KCNQ1: variants seen among roughly 807,000 people sequenced by gnomAD.
The protein encoded by KCNQ1 is potassium voltage-gated channel subfamily KQT member 1.
A neutral mutation model predicts 72.4 loss-of-function variants in KCNQ1; 49 were observed. That is an observed-to-expected ratio of 0.68 (90% confidence interval 0.54 to 0.86). The LOEUF is 0.86. KCNQ1 is among the 40% of genes least tolerant of loss of function. The probability of loss-of-function intolerance (pLI) is 0.00; values close to 1 mark genes in which losing one functional copy is unlikely to be tolerated. For missense variants in KCNQ1, 790 were observed against 945.1 expected (o/e 0.84, Z 2.15); for synonymous variants, 450 against 412.6 (o/e 1.09, Z -1.10).
At chr11:2,472,559 C>G (rs1349347677) in intron 1 of KCNQ1, among the ~76,000 whole-genome samples, 1 of 152,086 alleles carries the variant, frequency 6.6e-6, no homozygotes, top group Non-Finnish European at 1.5e-5. Flanking sequence ...ACTTTGTGGG[C>G]TGGAGTCCTG....
chr11:2,797,776 A>G (rs1847168286), intron 15 of KCNQ1, among the ~76,000 whole-genome samples: 1 of 151,840 alleles, frequency 6.6e-6, no homozygotes, highest in African/African-American at 2.4e-5. Flanking sequence ...CTCCCCTGGG[A>G]GCCTGCCTCA....
chr11:2,583,041 A>G (rs1848526600), intron 6 of KCNQ1, among the ~76,000 whole-genome samples: 1 of 152,126 alleles, frequency 6.6e-6, no homozygotes, highest in South Asian at 2.1e-4. Context: ...GACCAGCCTC[A>G]GTGGGAGCTC....
Position 2,547,810 on chromosome 11 carries a change from G to A in KCNQ1, c.477+19792G>A, listed in dbSNP as rs1330208424. ...GGCGGCAGTTCTCAGTGGAGCGGCC[G>A]GGCTGCGAGTCTCTGTATGGAGGTG... On this transcript the variant is annotated intron_variant, in intron 2 of 15. Transcript: ENST00000155840. This position sits in a 1 kb window ranked among gnomAD's most constrained non-coding sequence, Gnocchi z 4.2. 2.0e-5 allele frequency among the ~76,000 whole-genome samples: 3 copies of A among 152,208 alleles called. No homozygotes were observed. Among genetic ancestry groups the A allele is most frequent in the Admixed American group, 6.5e-5 (1 of 15,290 alleles).
rs1848813706 is a variant in KCNQ1, at chr11:2,601,885, C to T, written c.1393+13031C>T. Among the ~76,000 whole-genome samples the T allele has an allele frequency of 6.6e-6, 1 of 152,130 alleles. No individual in the cohort carries two copies. Among genetic ancestry groups the T allele is most frequent in the South Asian group, 2.1e-4 (1 of 4,830 alleles). ...AATCAGAGTAGGCTGAACAATGGCC[C>T]CCAAAGTAGCCAGGTCCTAACGCCT... On this transcript the variant is annotated intron_variant, in intron 10 of 15. Transcript: ENST00000155840. The surrounding 1 kb of genome is among the most constrained non-coding windows in gnomAD (Gnocchi z 5.2).
At chr11:2,476,431 G>T (rs1846569605) in intron 1 of KCNQ1, among the ~76,000 whole-genome samples, 1 of 152,140 alleles carries the variant, frequency 6.6e-6, no homozygotes, top group African/African-American at 2.4e-5. Context: ...CAAATTTATA[G>T]CTACAGGCAT....
chr11:2,516,979 C>T lies in KCNQ1; in HGVS notation c.387-10949C>T, dbSNP rs1267179493. Among the ~76,000 whole-genome samples, 2 of 152,126 alleles carry T rather than the reference C, an allele frequency of 1.3e-5. No homozygotes were observed. Among genetic ancestry groups the T allele is most frequent in the African/African-American group, 2.4e-5 (1 of 41,422 alleles). On this transcript the variant is annotated intron_variant, in intron 1 of 15. Coordinates refer to ENST00000155840, the MANE Select transcript of KCNQ1 (RefSeq NM_000218.3). This position sits in a 1 kb window ranked among gnomAD's most constrained non-coding sequence, Gnocchi z 7.0. ...CTCTAGGGCCTCTGAAGGGCTTTGA[C>T]GTGACACTCGGGATGGCATGGCAGG...
In KCNQ1 at chr11:2,772,498, G is replaced by A. The variant is rs920390765; in HGVS notation, c.1591-3462G>A. On this transcript the variant is annotated intron_variant, in intron 12 of 15. Transcript: ENST00000155840. The surrounding 1 kb of genome is among the most constrained non-coding windows in gnomAD (Gnocchi z 6.6). Reference sequence around the variant, plus strand: ...AGAGGACCACTGGACAAAGGCCCCCGTGAGCCCTAACCGTATCCTAGCAGG... The same window carrying A: ...AGAGGACCACTGGACAAAGGCCCCCATGAGCCCTAACCGTATCCTAGCAGG... 2.6e-5 allele frequency among the ~76,000 whole-genome samples: 4 copies of A among 151,980 alleles called. No homozygotes were observed. Among genetic ancestry groups the A allele is most frequent in the African/African-American group, 4.8e-5 (2 of 41,356 alleles).
At chr11:2,574,499 C>T (rs1377123288) in intron 6 of KCNQ1, among the ~76,000 whole-genome samples, 3 of 152,156 alleles carry the variant, frequency 2.0e-5, no homozygotes, top group South Asian at 2.1e-4. Flanking sequence ...GTGGGAAACA[C>T]GTGGTGGTGC....
At chr11:2,461,507 C>T (rs758488275) in intron 1 of KCNQ1, 25 of 1,320,032 alleles carry the variant, frequency 1.9e-5, no homozygotes, top group South Asian at 1.3e-4. Flanking sequence ...TGTCTTTGCG[C>T]CTGCACATGT....
chr11:2,462,982 G>A lies in KCNQ1; in HGVS notation c.386+17498G>A, dbSNP rs752553390. Among the ~76,000 whole-genome samples the A allele has an allele frequency of 3.3e-5, 5 of 152,172 alleles. No individual in the cohort carries two copies. Among genetic ancestry groups the A allele is most frequent in the Non-Finnish European group, 5.9e-5 (4 of 68,026 alleles). On this transcript the variant is annotated intron_variant, in intron 1 of 15. Transcript: ENST00000155840. The surrounding 1 kb of genome is among the most constrained non-coding windows in gnomAD (Gnocchi z 8.2). Reference sequence around the variant, plus strand: ...GGGCCCTTGGGTGGAAGAGTCTTGGGTGAGGCCCCTGAACTGGTAAGCGGG... The same window carrying A: ...GGGCCCTTGGGTGGAAGAGTCTTGGATGAGGCCCCTGAACTGGTAAGCGGG...
Position 2,691,366 on chromosome 11 carries a change from G to A in KCNQ1, c.1514+29285G>A. On this transcript the variant is annotated intron_variant, in intron 11 of 15. Coordinates refer to ENST00000155840, the MANE Select transcript of KCNQ1 (RefSeq NM_000218.3). This position sits in a 1 kb window ranked among gnomAD's most constrained non-coding sequence, Gnocchi z 6.4. ...GTGACCACCCATCCTGACATCTTGG[G>A]CTCAGGCCTCTGGGTCTGGGCATAG... 2.5e-6 allele frequency: 1 copy of A among 398,622 alleles called. No homozygotes were observed. The highest frequency in any genetic ancestry group is 3.6e-5 in the East Asian group (1 of 28,066). 24.7% of individuals were successfully genotyped at this position (398,622 alleles called of 1,614,324 possible).
chr11:2,699,678 C>CGAAGAACCCCCGGGGAGAACCGCGCA (rs1564862622), intron 11 of KCNQ1: 1 of 353,092 alleles, frequency 2.8e-6, no homozygotes, highest in African/African-American at 2.2e-5. Flanking sequence ...AGAACCGCGC[C>CGAAGAACCCCCGGGGAGAACCGCGCA]GAAAAGCCCC....
Position 2,508,575 on chromosome 11 carries a change from C to T in KCNQ1, c.387-19353C>T, listed in dbSNP as rs910260650. ...GGGGCAGGGTCCCAGCCTCCATGTA[C>T]GGGGCTGGGACCCACCAGGACCCAG... On this transcript the variant is annotated intron_variant, in intron 1 of 15. Coordinates refer to ENST00000155840, the MANE Select transcript of KCNQ1 (RefSeq NM_000218.3). The surrounding 1 kb of genome is among the most constrained non-coding windows in gnomAD (Gnocchi z 6.2). Among the ~76,000 whole-genome samples, 16 of 151,700 alleles carry T rather than the reference C, an allele frequency of 1.1e-4. No individual in the cohort carries two copies. Among genetic ancestry groups the T allele is most frequent in the African/African-American group, 2.9e-4 (12 of 41,278 alleles).
intron 6 of KCNQ1, among the ~76,000 whole-genome samples, chr11:2,575,917 C>T (rs1848416652): frequency 6.6e-6 from 1 of 152,236 alleles, no homozygotes; most frequent in South Asian, 2.1e-4. Flanking sequence ...TGCACAGGGC[C>T]TGCCCCTCCG....
Position 2,627,529 on chromosome 11 carries a change from T to C in KCNQ1, c.1394-34432T>C, listed in dbSNP as rs567899621. 6.5e-5 allele frequency: 26 copies of C among 398,552 alleles called. No individual in the cohort carries two copies. In the South Asian group the frequency reaches 1.8e-3, roughly 27 times the overall value. The allele number at this position is 398,552 out of a possible 1,614,324, so 24.7% of individuals were successfully genotyped here. A position where few individuals can be genotyped will look rare whatever the true frequency, so the allele number is the denominator to read the frequency against. On this transcript the variant is annotated intron_variant, in intron 10 of 15. Transcript: ENST00000155840. This position sits in a 1 kb window ranked among gnomAD's most constrained non-coding sequence, Gnocchi z 4.9. Reference sequence around the variant, plus strand: ...TGAGTTCAAGCTTTTTAGAATTCCATATGTAACTGGGATAGTGCAGTATTT... The same window carrying C: ...TGAGTTCAAGCTTTTTAGAATTCCACATGTAACTGGGATAGTGCAGTATTT...
At chr11:2,534,111 CAG>C (rs1847688424) in intron 2 of KCNQ1, among the ~76,000 whole-genome samples, 1 of 152,106 alleles carries the variant, frequency 6.6e-6, no homozygotes, top group East Asian at 1.9e-4. Flanking sequence ...CCTCCCAGCT[CAG>C]AGCAAGGCCT....
At position 2,782,440 on chromosome 11, in the gene KCNQ1, G is replaced by A. The variant is rs553891149; in HGVS notation, c.1794+4403G>A. Among the ~76,000 whole-genome samples, 1 of 152,298 alleles carries A rather than the reference G, an allele frequency of 6.6e-6. No homozygotes were observed. The highest frequency in any genetic ancestry group is 6.5e-5 in the Admixed American group (1 of 15,298). ...TGTATGGTCTTCATCAGGCTTTGGT[G>A]TCAAATGTATGTGAGCCTCACAGAC... On this transcript the variant is annotated intron_variant, in intron 15 of 15. Transcript: ENST00000155840. The surrounding 1 kb of genome is among the most constrained non-coding windows in gnomAD (Gnocchi z 6.1).
intron 7 of KCNQ1, among the ~76,000 whole-genome samples, chr11:2,583,909 G>C (rs1246236698): frequency 6.6e-6 from 1 of 152,188 alleles, no homozygotes; most frequent in East Asian, 1.9e-4. Context: ...CTGTGGCTGG[G>C]GGGGTTTTGT....
Position 2,492,023 on chromosome 11 carries a change from C to T in KCNQ1, c.387-35905C>T, listed in dbSNP as rs540412576. On this transcript the variant is annotated intron_variant, in intron 1 of 15. Coordinates refer to ENST00000155840, the MANE Select transcript of KCNQ1 (RefSeq NM_000218.3). The surrounding 1 kb of genome is among the most constrained non-coding windows in gnomAD (Gnocchi z 4.1). Reference sequence around the variant, plus strand: ...AAGGAGAAATACAGACCTTCCCAGACAAACAAAAGCTGAGGATGTCATCAA... The same window carrying T: ...AAGGAGAAATACAGACCTTCCCAGATAAACAAAAGCTGAGGATGTCATCAA... 6.6e-6 allele frequency among the ~76,000 whole-genome samples: 1 copy of T among 152,236 alleles called. No individual in the cohort carries two copies. Among genetic ancestry groups the T allele is most frequent in the South Asian group, 2.1e-4 (1 of 4,824 alleles).
Sources: allele counts gnomAD v4.1 joint callset (sites outside exome capture counted in the v4.1 genomes callset), GRCh38; gene constraint gnomAD v4.1.1; non-coding constraint Gnocchi (gnomAD v3.1); transcripts MANE v1.5; gene names NCBI Gene and HGNC (gene_info 2026-07-23, HGNC 2026-07-21).